The following LRRC1 variants were observed in gnomAD, a reference collection of about 807,000 sequenced individuals.
The protein encoded by LRRC1 is leucine rich repeat containing 1.
Under a neutral mutation model 69.9 loss-of-function variants are expected in LRRC1, and 28 were observed. That is an observed-to-expected ratio of 0.40 (90% CI 0.30 to 0.55). LRRC1 has a LOEUF of 0.55. Among genes scored for constraint, LRRC1 ranks in the 20% least tolerant of loss-of-function variants. The pLI is 0.47. For synonymous variants in LRRC1, 236 were observed against 240.2 expected, an observed-to-expected ratio of 0.98 and a Z score of 0.16; for missense variants, 498 against 609.0, an observed-to-expected ratio of 0.82 and a Z score of 1.92.
intron 8 of LRRC1, 130 bp downstream of exon 8, chr6:53,900,021 T>G (rs1295801542): frequency 2.0e-4 from 2 of 9,938 alleles, no homozygotes; most frequent in Admixed American, 3.3e-3. Context: ...CTCCTTACTG[T>G]TTTTTTTTTT....
Position 53,816,233 on chromosome 6 carries a change from G to A in LRRC1, c.159+20818G>A, listed in dbSNP as rs913459019. Among the ~76,000 whole-genome samples the A allele has an allele frequency of 4.6e-5, 7 of 152,154 alleles. No homozygotes were observed. In the South Asian group the frequency reaches 6.2e-4, roughly 14 times the overall value. On this transcript the variant is annotated intron_variant, in intron 1 of 13. Transcript: ENST00000370888. ...TAGTTTATAAATTATAGTGAGCATG[G>A]TACCAAAATTTACATTTTTTTTCTG...
At chr6:53,922,596 G>A in intron 13 of LRRC1, 39 bp from the exon 14 acceptor site, 1 of 1,564,778 alleles carries the variant, frequency 6.4e-7, no homozygotes, top group Non-Finnish European at 8.7e-7. Flanking sequence ...AAAAGTAGTG[G>A]AATAAAACCA....
At chr6:53,896,755 C>A in intron 5 of LRRC1, 74 bp from the exon 6 acceptor site, 1 of 1,025,856 alleles carries the variant, frequency 9.7e-7, no homozygotes, top group Non-Finnish European at 1.5e-6. Context: ...TGAAGCTAGT[C>A]CAAGTGAGGG....
At chr6:53,828,153 C>T (rs889496958) in intron 1 of LRRC1, among the ~76,000 whole-genome samples, 5 of 142,358 alleles carry the variant, frequency 3.5e-5, no homozygotes, top group African/African-American at 1.3e-4. Flanking sequence ...GAGTTGGAGG[C>T]CCTTAGTTCA....
At chr6:53,892,669 C>A (rs1396583830) in intron 4 of LRRC1, among the ~76,000 whole-genome samples, 1 of 152,228 alleles carries the variant, frequency 6.6e-6, no homozygotes, top group Admixed American at 6.5e-5. Flanking sequence ...TTCATTCATT[C>A]ACTTTTGTGT....
chr6:53,919,515 T>C lies in LRRC1; in HGVS notation c.1124T>C (p.Leu375Ser), dbSNP rs180993604. The change falls in exon 12 of 14, where the codon TTA becomes TCA. Residue 375 changes from leucine (L) to serine (S), a missense_variant. Coordinates refer to ENST00000370888, the MANE Select transcript of LRRC1 (RefSeq NM_018214.5). The part of the protein sequence containing the change: ...VAGNRLLHLP[L>S]SLTALKLKAL... Reference sequence around the variant, plus strand: ...AAAAACAGGTTGCTGCATCTACCTTTATCCCTGACTGCCTTGAAGTTGAAG... The same window carrying C: ...AAAAACAGGTTGCTGCATCTACCTTCATCCCTGACTGCCTTGAAGTTGAAG... 14 of 1,595,894 alleles carry C rather than the reference T, an allele frequency of 8.8e-6. No individual in the cohort carries two copies. In the East Asian group the frequency reaches 3.2e-4, roughly 36 times the overall value.
chr6:53,827,148 G>A (rs1562032783), intron 1 of LRRC1, among the ~76,000 whole-genome samples: 1 of 152,148 alleles, frequency 6.6e-6, no homozygotes, highest in Non-Finnish European at 1.5e-5. Flanking sequence ...TTCTTAAAAT[G>A]TGGCAGATTT....
At chr6:53,822,342 A>G (rs1163438185) in intron 1 of LRRC1, among the ~76,000 whole-genome samples, 1 of 152,224 alleles carries the variant, frequency 6.6e-6, no homozygotes, top group Non-Finnish European at 1.5e-5. Flanking sequence ...CAGAGAAAGT[A>G]CATTTTAATG....
intron 2 of LRRC1, among the ~76,000 whole-genome samples, chr6:53,850,759 C>CTTA (rs975103842): frequency 1.3e-5 from 2 of 152,142 alleles, no homozygotes; most frequent in African/African-American, 4.8e-5. Context: ...AGTGTGTGTG[C>CTTA]TTATTACCTT....
chr6:53,815,064 TG>T (rs1443964030), intron 1 of LRRC1, among the ~76,000 whole-genome samples: 1 of 141,762 alleles, frequency 7.1e-6, no homozygotes, highest in Non-Finnish European at 1.5e-5. Flanking sequence ...GAGAAGCACC[TG>T]GGGAGTTCTT....
chr6:53,909,239 A>G (rs909030586), intron 10 of LRRC1, among the ~76,000 whole-genome samples: 3 of 152,166 alleles, frequency 2.0e-5, no homozygotes, highest in Non-Finnish European at 4.4e-5. Context: ...GGTATAGGTA[A>G]ACCATTTTCA....
chr6:53,902,295 T>A (rs1469655690), intron 8 of LRRC1, among the ~76,000 whole-genome samples: 1 of 152,094 alleles, frequency 6.6e-6, no homozygotes, highest in Non-Finnish European at 1.5e-5. Context: ...ATGCTTGGAG[T>A]AAAATGAAAG....
At chr6:53,918,566 C>G (rs911882650) in intron 11 of LRRC1, among the ~76,000 whole-genome samples, 6 of 152,064 alleles carry the variant, frequency 3.9e-5, no homozygotes, top group South Asian at 2.1e-4. Context: ...TTAGAGAGTT[C>G]TAGTTTATTT....
chr6:53,810,845 T>C lies in LRRC1; in HGVS notation c.159+15430T>C, dbSNP rs117713701. On this transcript the variant is annotated intron_variant, in intron 1 of 13. Coordinates refer to ENST00000370888, the MANE Select transcript of LRRC1 (RefSeq NM_018214.5). ...GTGCTGTCCATTCTGCTCAGAATGC[T>C]ATTCTCCAATGTCAGTGCCGCCTTC... Among the ~76,000 whole-genome samples, 299 of 152,356 alleles carry C rather than the reference T, an allele frequency of 2.0e-3. 4 individuals carry two copies. In the East Asian group the frequency reaches 0.041, roughly 21 times the overall value.
chr6:53,812,510 G>T (rs3003496), intron 1 of LRRC1, among the ~76,000 whole-genome samples: 86,731 of 145,340 alleles, frequency 0.6, 25,016 homozygotes, highest in East Asian at 0.88. Flanking sequence ...CTAACACGGT[G>T]AAACCCCGTC....
At chr6:53,823,274 C>T (rs1765165585) in intron 1 of LRRC1, among the ~76,000 whole-genome samples, 1 of 152,160 alleles carries the variant, frequency 6.6e-6, no homozygotes, top group Non-Finnish European at 1.5e-5. Flanking sequence ...TTCTTTGTAA[C>T]TCATGAGGGG....
chr6:53,893,823 CTT>C (rs1767781386), intron 4 of LRRC1, among the ~76,000 whole-genome samples: 1 of 152,090 alleles, frequency 6.6e-6, no homozygotes, highest in Non-Finnish European at 1.5e-5. Context: ...GTAGCCAGAA[CTT>C]TTTTACTTAG....
intron 1 of LRRC1, among the ~76,000 whole-genome samples, chr6:53,829,767 C>T (rs1430029848): frequency 6.6e-6 from 1 of 152,162 alleles, no homozygotes; most frequent in Admixed American, 6.5e-5. Context: ...GTCCTGGGAG[C>T]TTACCGAGAA....
chr6:53,895,170 G>A (rs552222092), intron 4 of LRRC1, among the ~76,000 whole-genome samples: 44 of 151,900 alleles, frequency 2.9e-4, no homozygotes, highest in Non-Finnish European at 4.7e-4. Context: ...CGCCCACCTC[G>A]GCCTCCCAAA....
Sources: allele counts gnomAD v4.1 joint callset (sites outside exome capture counted in the v4.1 genomes callset), GRCh38; gene constraint gnomAD v4.1.1; transcripts MANE v1.5; gene names NCBI Gene and HGNC (gene_info 2026-07-23, HGNC 2026-07-21).